SPEF2: variants seen among roughly 807,000 people sequenced by gnomAD.
SPEF2 encodes the protein sperm flagellar and cilia associated 2, also known as sperm flagella and cilia-associated protein 2.
Under a neutral mutation model 224.6 loss-of-function variants are expected in SPEF2, and 187 were observed. The ratio of observed to expected loss-of-function variants is 0.83; its 90% CI spans 0.74 to 0.94. The LOEUF (loss-of-function observed/expected upper bound fraction) is 0.94, where lower values mean the gene tolerates loss of function less well. Ranked by LOEUF, SPEF2 falls within the 40% of genes least tolerant of loss-of-function variation. The probability of loss-of-function intolerance (pLI) is 0.00; values close to 1 mark genes in which losing one functional copy is unlikely to be tolerated. For synonymous variants in SPEF2, 715 were observed against 707.3 expected (o/e 1.01, Z -0.17); for missense variants, 2,170 against 2,135.6 (o/e 1.02, Z -0.32).
intron 26 of SPEF2, among the ~76,000 whole-genome samples, chr5:35,769,105 G>A (rs1265169024): frequency 6.6e-6 from 1 of 152,022 alleles, no homozygotes; most frequent in East Asian, 1.9e-4. Context: ...GCAACCCAGA[G>A]GTCTTTGAGG....
chr5:35,631,285 A>G (rs901283152), intron 2 of SPEF2, among the ~76,000 whole-genome samples: 23 of 152,218 alleles, frequency 1.5e-4, no homozygotes, highest in African/African-American at 5.1e-4. Context: ...CCCATGATTC[A>G]GTCATCTCCC....
chr5:35,811,010 G>T lies in SPEF2; in HGVS notation c.5380-3454G>T, dbSNP rs1263982281. On this transcript the variant is annotated intron_variant, in intron 36 of 36. Coordinates refer to ENST00000356031, the MANE Select transcript of SPEF2 (RefSeq NM_024867.4). The stretch of plus-strand genomic sequence containing the variant: ...TGGTCCATCAAGAAGAGTTGTGCCT[G>T]TGTCCTGAAAAGTCTACATTCTAAT... 2.6e-5 allele frequency among the ~76,000 whole-genome samples: 4 copies of T among 151,792 alleles called. No individual in the cohort carries two copies. The East Asian group carries it at 7.7e-4, about 29-fold the overall frequency.
intron 18 of SPEF2, among the ~76,000 whole-genome samples, chr5:35,708,617 CTA>C (rs1740366012): frequency 1.2e-3 from 1 of 868 alleles, no homozygotes. Context: ...TTCACCACCT[CTA>C]CCTCCACCAC....
intron 8 of SPEF2, 71 bp from the exon 9 acceptor site, chr5:35,667,001 C>T: frequency 7.2e-7 from 1 of 1,396,700 alleles, no homozygotes; most frequent in Non-Finnish European, 9.6e-7. Flanking sequence ...ACTTTTTGGC[C>T]ATTGAAATGA....
At chr5:35,764,655 T>A (rs1456482657) in intron 26 of SPEF2, 1 of 456,086 alleles carries the variant, frequency 2.2e-6, no homozygotes, top group Non-Finnish European at 4.4e-6. Flanking sequence ...AAAGATTTTG[T>A]GAAAGTGGTA....
chr5:35,794,320 G>A (rs1217916815), intron 32 of SPEF2, among the ~76,000 whole-genome samples: 1 of 152,160 alleles, frequency 6.6e-6, no homozygotes, highest in Admixed American at 6.6e-5. Flanking sequence ...ATACTTTCCA[G>A]GTGCCTGCAT....
chr5:35,659,944 C>G (rs1190765470), intron 8 of SPEF2, among the ~76,000 whole-genome samples: 3 of 151,552 alleles, frequency 2.0e-5, no homozygotes, highest in Non-Finnish European at 4.4e-5. Context: ...GCTATTCCTT[C>G]CTCAGAATGA....
chr5:35,763,151 T>A (rs1320296904), intron 25 of SPEF2, among the ~76,000 whole-genome samples: 1 of 152,112 alleles, frequency 6.6e-6, no homozygotes, highest in East Asian at 1.9e-4. Flanking sequence ...TTTCGTTTGG[T>A]TTGCTTTTTC....
intron 26 of SPEF2, among the ~76,000 whole-genome samples, chr5:35,766,202 T>C (rs6893048): frequency 0.1 from 15,911 of 152,060 alleles, 1,219 homozygotes; most frequent in African/African-American, 0.22. Flanking sequence ...TTGTGGAAGT[T>C]GGGATTATTT....
At chr5:35,733,677 T>C (rs1561278546) in intron 21 of SPEF2, among the ~76,000 whole-genome samples, 1 of 152,164 alleles carries the variant, frequency 6.6e-6, no homozygotes, top group Non-Finnish European at 1.5e-5. Flanking sequence ...CTGAAGTGTT[T>C]GGACTTCATC....
At chr5:35,710,300 G>C (rs903669018) in intron 19 of SPEF2, 1 of 962,206 alleles carries the variant, frequency 1.0e-6, no homozygotes, top group African/African-American at 1.8e-5. Flanking sequence ...GCTCATCCCT[G>C]TAATCCCAGC....
rs533696864 is a variant in SPEF2 at position 35,689,144 on chromosome 5, A to G, written c.1525-1893A>G. 2.0e-5 allele frequency among the ~76,000 whole-genome samples: 3 copies of G among 152,162 alleles called. No individual in the cohort carries two copies. The South Asian group carries it at 6.2e-4, about 31-fold the overall frequency. On this transcript the variant is annotated intron_variant, in intron 10 of 36. Transcript: ENST00000356031. Reference sequence around the variant, plus strand: ...TAAACCATTAGTGTCTTCAATTTTAATAAGTATAGTTCTATGACATCTTTT... The same window carrying G: ...TAAACCATTAGTGTCTTCAATTTTAGTAAGTATAGTTCTATGACATCTTTT...
chr5:35,761,335 A>G (rs1751254905), intron 25 of SPEF2, among the ~76,000 whole-genome samples: 1 of 152,220 alleles, frequency 6.6e-6, no homozygotes, highest in Admixed American at 6.5e-5. Context: ...AGATTATGGA[A>G]AATAAAATCT....
intron 27 of SPEF2, among the ~76,000 whole-genome samples, chr5:35,773,310 G>A (rs1753130284): frequency 6.6e-6 from 1 of 152,148 alleles, no homozygotes; most frequent in Admixed American, 6.6e-5. Flanking sequence ...AGCTTGGGAG[G>A]TCGAGGCTGC....
chr5:35,730,285 C>T (rs1745429281), intron 21 of SPEF2, among the ~76,000 whole-genome samples: 1 of 152,218 alleles, frequency 6.6e-6, no homozygotes, highest in Non-Finnish European at 1.5e-5. Flanking sequence ...ACGCAGAAGG[C>T]AGTTAGAGTG....
At chr5:35,767,316 T>G (rs967517789) in intron 26 of SPEF2, among the ~76,000 whole-genome samples, 3 of 152,078 alleles carry the variant, frequency 2.0e-5, no homozygotes, top group Non-Finnish European at 4.4e-5. Context: ...TTGTAAATTA[T>G]ACTTTTAGAA....
chr5:35,664,643 G>T (rs749838575), intron 8 of SPEF2, among the ~76,000 whole-genome samples: 1 of 151,380 alleles, frequency 6.6e-6, no homozygotes, highest in Non-Finnish European at 1.5e-5. Context: ...TAACTCCATT[G>T]CACTCCAGCT....
At chr5:35,792,825 A>G (rs1034278820) in intron 31 of SPEF2, among the ~76,000 whole-genome samples, 2 of 152,210 alleles carry the variant, frequency 1.3e-5, no homozygotes, top group Non-Finnish European at 2.9e-5. Flanking sequence ...GCATTCCCCC[A>G]TGGGCCACAA....
Position 35,692,590 on chromosome 5 carries a change from T to C in SPEF2, c.1765T>C (p.Ser589Pro). ...LQKDFPIQIL[S>P]IDTLVQEAIQ... ...TTTAGACTTTCCTATACAGATACTTTCTATTGACACTCTTGTCCAAGAAGC... is the reference window on the plus strand; with the variant it reads ...TTTAGACTTTCCTATACAGATACTTCCTATTGACACTCTTGTCCAAGAAGC... The change falls in exon 12 of 37, where the codon TCT (serine) becomes CCT (proline). Residue 589 changes from serine to proline, a missense_variant. Ser to Pro is a moderately conservative substitution (Grantham distance 74). Coordinates refer to ENST00000356031, the MANE Select transcript of SPEF2 (RefSeq NM_024867.4). 1 of 1,611,926 alleles carries C rather than the reference T, an allele frequency of 6.2e-7. No individual in the cohort carries two copies. The highest frequency in any genetic ancestry group is 8.5e-7 in the Non-Finnish European group (1 of 1,178,962).
Sources: gnomAD v4.1 joint callset for allele counts (sites outside exome capture counted in the v4.1 genomes callset) on GRCh38, gnomAD v4.1.1 for gene constraint, MANE v1.5 for transcripts, NCBI Gene and HGNC (gene_info 2026-07-23, HGNC 2026-07-21) for gene names.